The following SYNJ2 variants were observed in gnomAD, a reference collection of about 807,000 sequenced individuals.
SYNJ2 encodes polyphosphatidylinositol phosphatase SYNJ2.
Under a neutral mutation model 141.3 loss-of-function variants are expected in SYNJ2, and 116 were observed. The ratio of observed to expected loss-of-function variants is 0.82; its 90% CI spans 0.71 to 0.96. The LOEUF (loss-of-function observed/expected upper bound fraction) is 0.96. Ranked by LOEUF, SYNJ2 falls within the 40% of genes least tolerant of loss-of-function variation. The probability of loss-of-function intolerance (pLI) is 0.00; values close to 1 mark genes in which losing one functional copy is unlikely to be tolerated. For synonymous variants in SYNJ2, 745 were observed against 777.7 expected (o/e 0.96, Z 0.70); for missense variants, 1,873 against 1,934.8 (o/e 0.97, Z 0.60).
chr6:157,981,989 C>T lies in SYNJ2; in HGVS notation c.28C>T (p.Leu10=). ...GGCCCTGAGCAAAGGGCTGCGGCTG[C>T]TGGGGCGCCTGGGGGCCGAGGGGGA... MALSKGLRL[L]GRLGAEGDCS... Residue 10 remains leucine (L), a synonymous_variant, in exon 1 of 27, where the codon CTG becomes TTG. Transcript: ENST00000355585. This position sits in a 1 kb window ranked among gnomAD's most constrained non-coding sequence, Gnocchi z 6.4. The T allele has an allele frequency of 2.3e-6, 3 of 1,278,342 alleles. No individual in the cohort carries two copies. Among genetic ancestry groups the T allele is most frequent in the Non-Finnish European group, 3.0e-6 (3 of 1,012,908 alleles). 79.2% of individuals were successfully genotyped at this position (1,278,342 alleles called of 1,614,324 possible). A position where few individuals can be genotyped will look rare whatever the true frequency, so the allele number is the denominator to read the frequency against.
At chr6:158,093,170 T>C in intron 26 of SYNJ2, 66 bp downstream of exon 26, 1 of 1,524,802 alleles carries the variant, frequency 6.6e-7, no homozygotes, top group Non-Finnish European at 8.8e-7. Context: ...AGATAAGAAT[T>C]GTGGCCTGTA....
rs569906533 is a variant in SYNJ2, at chr6:158,042,450, C to T, written c.712-866C>T. ...TGTAAGGGAGCAGGCCGGTGAGGAA[C>T]GGAAAGGACCACAGCAGCGCCCAGG... is the stretch of plus-strand genomic sequence containing the variant. On this transcript the variant is annotated intron_variant, in intron 4 of 26. Coordinates refer to ENST00000355585, the MANE Select transcript of SYNJ2 (RefSeq NM_003898.4). Among the ~76,000 whole-genome samples the T allele has an allele frequency of 7.9e-5, 12 of 152,322 alleles. No homozygotes were observed. In the South Asian group the frequency reaches 2.3e-3, roughly 29 times the overall value.
chr6:158,097,050 C>G lies in SYNJ2; in HGVS notation c.*686C>G, dbSNP rs893085078. On this transcript the variant is annotated 3_prime_UTR_variant, in exon 27 of 27. Transcript: ENST00000355585. ...CTAGCTGAAGGCTCCTGTGCCATGT[C>G]TTAGACATTGCATGCCCTATCAATT... The G allele has an allele frequency of 2.0e-5, 3 of 152,738 alleles. No homozygotes were observed. The highest frequency in any genetic ancestry group is 2.9e-5 in the Non-Finnish European group (2 of 68,104). 9.5% of individuals were successfully genotyped at this position (152,738 alleles called of 1,614,324 possible). A position where few individuals can be genotyped will look rare whatever the true frequency, so the allele number is the denominator to read the frequency against.
intron 2 of SYNJ2, 155 bp from the exon 3 acceptor site, chr6:158,028,601 T>G: frequency 1.0e-6 from 1 of 972,668 alleles, no homozygotes; most frequent in Non-Finnish European, 1.5e-6. Flanking sequence ...GGCAGGTTCT[T>G]GAGCCATTGA....
In SYNJ2 at chr6:158,027,123, C is replaced by T. The variant is rs1449522474; in HGVS notation, c.215-1633C>T. ...GGAACGCACTTTAATGACAGCCACA[C>T]GCCACCCTGCCACAAGCAGCGCTCT... On this transcript the variant is annotated intron_variant, in intron 2 of 26. Transcript: ENST00000355585. The surrounding 1 kb of genome is among the most constrained non-coding windows in gnomAD (Gnocchi z 4.6). The T allele has an allele frequency of 9.1e-6, 9 of 985,370 alleles. No individual in the cohort carries two copies. The highest frequency in any genetic ancestry group is 5.2e-4 in the Middle Eastern group (1 of 1,914). 61.0% of individuals were successfully genotyped at this position (985,370 alleles called of 1,614,324 possible). A position where few individuals can be genotyped will look rare whatever the true frequency, so the allele number is the denominator to read the frequency against.
At chr6:158,034,512 A>G (rs1314024223) in intron 4 of SYNJ2, among the ~76,000 whole-genome samples, 1 of 152,104 alleles carries the variant, frequency 6.6e-6, no homozygotes, top group Non-Finnish European at 1.5e-5. Context: ...ACCTACCTTT[A>G]CTGTGTGGGA....
intron 2 of SYNJ2, chr6:158,026,906 C>T (rs1470627676): frequency 2.0e-6 from 2 of 985,310 alleles, no homozygotes; most frequent in African/African-American, 1.7e-5. Flanking sequence ...CCCACCTATC[C>T]TACTTGAGAA....
chr6:158,059,125 G>T, intron 6 of SYNJ2, 132 bp from the exon 7 acceptor site: 1 of 947,968 alleles, frequency 1.1e-6, no homozygotes, highest in Non-Finnish European at 1.5e-6. Flanking sequence ...TGGGTCATGG[G>T]GGACAGCTGG....
Position 158,033,492 on chromosome 6 carries a change from G to C in SYNJ2, c.523G>C (p.Val175Leu). The C allele has an allele frequency of 1.2e-6, 2 of 1,614,226 alleles. No homozygotes were observed. Among genetic ancestry groups the C allele is most frequent in the East Asian group, 2.2e-5 (1 of 44,868 alleles). ...LLHVPLRQHQ[V>L]SCCDWLLKII... Reference sequence around the variant, plus strand: ...GCACGTGCCCTTGAGGCAGCACCAGGTGAGCTGCTGTGACTGGCTGCTGAA... The same window carrying C: ...GCACGTGCCCTTGAGGCAGCACCAGCTGAGCTGCTGTGACTGGCTGCTGAA... Residue 175 changes from valine to leucine, a missense_variant, in exon 4 of 27, where the codon GTG becomes CTG. Coordinates refer to ENST00000355585, the MANE Select transcript of SYNJ2 (RefSeq NM_003898.4).
intron 1 of SYNJ2, among the ~76,000 whole-genome samples, chr6:157,989,148 C>T (rs938689610): frequency 9.9e-5 from 15 of 152,160 alleles, no homozygotes; most frequent in South Asian, 6.2e-4. Context: ...TTATTGCAAG[C>T]TGTTTTGAGT....
In SYNJ2 at chr6:158,088,784, T is replaced by G. The variant is rs1056967931; in HGVS notation, c.3456+12T>G. 1.9e-6 allele frequency: 3 copies of G among 1,587,558 alleles called. No homozygotes were observed. Among genetic ancestry groups the G allele is most frequent in the African/African-American group, 2.7e-5 (2 of 74,362 alleles). On this transcript the variant is annotated intron_variant, in intron 24 of 26. Coordinates refer to ENST00000355585, the MANE Select transcript of SYNJ2 (RefSeq NM_003898.4). ...CACCTCAGCAACCTGTGAGTTCTTC[T>G]GCATACATTTCAATCCCAAGGGTTT...
chr6:157,992,401 CTTTTT>C (rs57905567), intron 1 of SYNJ2, among the ~76,000 whole-genome samples: 29 of 120,376 alleles, frequency 2.4e-4, no homozygotes, highest in South Asian at 2.0e-3. Context: ...TGGCTTGTTT[CTTTTT>C]TTTTTTTTTT....
intron 11 of SYNJ2, 142 bp from the exon 12 acceptor site, chr6:158,066,302 C>A: frequency 1.1e-6 from 1 of 907,498 alleles, no homozygotes; most frequent in Admixed American, 2.6e-5. Context: ...AGCCTTTTGT[C>A]GTCTTCGTAA....
rs56142170 is a variant in SYNJ2, at chr6:158,005,844, G to A, written c.128-11360G>A. Among the ~76,000 whole-genome samples, 332 of 152,030 alleles carry A rather than the reference G, an allele frequency of 2.2e-3. 1 individual carries two copies. Among genetic ancestry groups the A allele is most frequent in the Non-Finnish European group, 3.3e-3 (227 of 67,984 alleles). ...TTGAAGCCACTGGAAGAGAATTCCCGCTGGCTCCCTGCACCACCACTACCC... is the reference window on the plus strand; with the variant it reads ...TTGAAGCCACTGGAAGAGAATTCCCACTGGCTCCCTGCACCACCACTACCC... On this transcript the variant is annotated intron_variant, in intron 1 of 26. Transcript: ENST00000355585.
In SYNJ2 at chr6:158,064,942, G is replaced by A. The variant is rs377434596; in HGVS notation, c.1476G>A (p.Glu492=). 4.3e-5 allele frequency: 70 copies of A among 1,612,204 alleles called. No individual in the cohort carries two copies. The highest frequency in any genetic ancestry group is 5.3e-5 in the Non-Finnish European group (62 of 1,179,206). Residue 492 remains glutamate, a synonymous_variant, in exon 11 of 27, where the codon GAG becomes GAA. Transcript: ENST00000355585. ...TGCTGGTTGGGGACGTCTACGGCGA[G>A]GAGGTGGCAGACAAAGGGGGCATGC... ...KLLLVGDVYG[E]EVADKGGMLL... is the part of the protein sequence containing the mutation.
intron 7 of SYNJ2, among the ~76,000 whole-genome samples, chr6:158,060,985 G>C (rs1781186180): frequency 6.6e-6 from 1 of 152,266 alleles, no homozygotes; most frequent in Admixed American, 6.5e-5. Context: ...GGGCCCAATG[G>C]CCATCAGTCC....
intron 9 of SYNJ2, 140 bp downstream of exon 9, chr6:158,064,012 G>A: frequency 1.2e-6 from 1 of 805,850 alleles, no homozygotes; most frequent in South Asian, 1.7e-5. Flanking sequence ...AAGGTGGACA[G>A]GGAGACACTG....
rs182287864 is a variant in SYNJ2 at position 158,081,420 on chromosome 6, C to T, written c.2787-12C>T. The T allele has an allele frequency of 1.9e-3, 3,059 of 1,613,720 alleles. 62 individuals are homozygous for T. The African/African-American group carries it at 0.035, about 19-fold the overall frequency. The stretch of plus-strand genomic sequence containing the variant: ...CGTTCTTGGCATTGACTTGGAGTAT[C>T]ATTTATTCCAGGATCAACCAAGGGC... On this transcript the variant is annotated splice_polypyrimidine_tract_variant and intron_variant, in intron 19 of 26. Transcript: ENST00000355585.
intron 1 of SYNJ2, among the ~76,000 whole-genome samples, chr6:158,000,774 C>G (rs377123710): frequency 2.0e-3 from 310 of 152,202 alleles, no homozygotes; most frequent in African/African-American, 6.8e-3. Flanking sequence ...AGCACGCACT[C>G]CCCCCAAGCT....
Sources: gnomAD v4.1 joint callset for allele counts (sites outside exome capture counted in the v4.1 genomes callset) on GRCh38, gnomAD v4.1.1 for gene constraint, Gnocchi (gnomAD v3.1) non-coding constraint, MANE v1.5 for transcripts, NCBI Gene and HGNC (gene_info 2026-07-23, HGNC 2026-07-21) for gene names.